The following PCDHGA9 variants were observed in gnomAD, a reference collection of about 807,000 sequenced individuals.
The protein encoded by PCDHGA9 is protocadherin gamma subfamily A, 9, also known as protocadherin gamma-A9.
PCDHGA9 carries 37 observed loss-of-function variants against 62.5 expected under a neutral mutation model. The ratio of observed to expected loss-of-function variants is 0.59; its 90% CI spans 0.46 to 0.78. The LOEUF (loss-of-function observed/expected upper bound fraction) is 0.78, where lower values mean the gene tolerates loss of function less well. Among genes scored for constraint, PCDHGA9 ranks in the 30% least tolerant of loss-of-function variants. The pLI is 0.00. For missense variants in PCDHGA9, 1,138 were observed against 1,166.2 expected, an observed-to-expected ratio of 0.98 and a Z score of 0.35; for synonymous variants, 459 against 484.6, an observed-to-expected ratio of 0.95 and a Z score of 0.69.
chr5:141,422,078 A>G lies in PCDHGA9; in HGVS notation c.2424+16702A>G, dbSNP rs1442545718. 11 of 1,612,298 alleles carry G rather than the reference A, an allele frequency of 6.8e-6. No homozygotes were observed. In the South Asian group the frequency reaches 8.8e-5, roughly 13 times the overall value. Reference sequence around the variant, plus strand: ...GGGGAAGTAATGTATTCATTTCGGAACATGGAAAGCAAGGCTTCTGAAATA... The same window carrying G: ...GGGGAAGTAATGTATTCATTTCGGAGCATGGAAAGCAAGGCTTCTGAAATA... On this transcript the variant is annotated intron_variant, in intron 1 of 3. Coordinates refer to ENST00000573521, the MANE Select transcript of PCDHGA9 (RefSeq NM_018921.3).
chr5:141,428,523 T>G, intron 1 of PCDHGA9: 1 of 278,554 alleles, frequency 3.6e-6, no homozygotes, highest in Non-Finnish European at 7.1e-6. Context: ...AAAGAAGATT[T>G]AATTTTCTCA....
intron 2 of PCDHGA9, among the ~76,000 whole-genome samples, chr5:141,495,507 C>T (rs1380258502): frequency 6.6e-6 from 1 of 152,188 alleles, no homozygotes; most frequent in African/African-American, 2.4e-5. Context: ...TCCGTCTTTG[C>T]CACTTTCTCT....
rs532830928 is a variant in PCDHGA9 at position 141,473,487 on chromosome 5, A to G, written c.2425-21320A>G. Reference sequence around the variant, plus strand: ...TTGTGCCAAGTTCAATGGAAAAAATATAAGGTGTTCTGAGAGAGCATAACA... The same window carrying G: ...TTGTGCCAAGTTCAATGGAAAAAATGTAAGGTGTTCTGAGAGAGCATAACA... On this transcript the variant is annotated intron_variant, in intron 1 of 3. Coordinates refer to ENST00000573521, the MANE Select transcript of PCDHGA9 (RefSeq NM_018921.3). 2.0e-3 allele frequency among the ~76,000 whole-genome samples: 310 copies of G among 152,242 alleles called. 5 individuals carry two copies. The South Asian group carries it at 0.052, about 25-fold the overall frequency.
At chr5:141,506,130 GAGA>G (rs560751517) in intron 3 of PCDHGA9, among the ~76,000 whole-genome samples, 2 of 152,170 alleles carry the variant, frequency 1.3e-5, no homozygotes, top group Admixed American at 1.3e-4. Context: ...CCCAGAGCAG[GAGA>G]AGAAGAATAT....
intron 1 of PCDHGA9, among the ~76,000 whole-genome samples, chr5:141,481,730 G>C (rs778885944): frequency 6.6e-5 from 10 of 151,952 alleles, no homozygotes; most frequent in Non-Finnish European, 1.3e-4. Flanking sequence ...GAGGCGGGCG[G>C]ATCACGAGGT....
At chr5:141,466,574 T>C (rs978880367) in intron 1 of PCDHGA9, among the ~76,000 whole-genome samples, 5 of 152,218 alleles carry the variant, frequency 3.3e-5, no homozygotes, top group Non-Finnish European at 5.9e-5. Flanking sequence ...CAACATTGTC[T>C]CATCCCTTCT....
In PCDHGA9 at chr5:141,409,721, G is replaced by A. The variant is rs892686024; in HGVS notation, c.2424+4345G>A. On this transcript the variant is annotated intron_variant, in intron 1 of 3. Transcript: ENST00000573521. ...CCTGGCGGTGTCGTCATACGTGTCA[G>A]TGAGCGCGCAGAGCGGGGTGGTGTT... The A allele has an allele frequency of 6.8e-6, 11 of 1,613,114 alleles. No homozygotes were observed. The highest frequency in any genetic ancestry group is 6.7e-5 in the East Asian group (3 of 44,892).
At chr5:141,473,548 C>A (rs1158305951) in intron 1 of PCDHGA9, among the ~76,000 whole-genome samples, 3 of 152,118 alleles carry the variant, frequency 2.0e-5, no homozygotes, top group South Asian at 2.1e-4. Context: ...TAATGGAAGA[C>A]CTCTATTAGG....
intron 2 of PCDHGA9, among the ~76,000 whole-genome samples, chr5:141,499,209 C>G (rs1171702973): frequency 6.6e-6 from 1 of 152,096 alleles, no homozygotes; most frequent in Admixed American, 6.5e-5. Context: ...GGCTGTAACC[C>G]AGGCCCTGCC....
intron 1 of PCDHGA9, chr5:141,408,288 T>C (rs755091342): frequency 6.2e-7 from 1 of 1,613,234 alleles, no homozygotes; most frequent in Non-Finnish European, 8.5e-7. Context: ...TACCCCACCC[T>C]GAGTGAGCCG....
intron 1 of PCDHGA9, among the ~76,000 whole-genome samples, chr5:141,467,017 C>T (rs1036255706): frequency 4.0e-5 from 6 of 151,156 alleles, no homozygotes; most frequent in African/African-American, 1.5e-4. Context: ...AATTTTTTTC[C>T]CTTTGTTTTT....
In PCDHGA9 at chr5:141,402,962, C is replaced by A. The variant is rs1482027682; in HGVS notation, c.10C>A (p.Pro4Thr). Reference sequence around the variant, plus strand: ...CCAAAGCGAGGCAGCAATGGCAGCTCCAACCAAATGCCAGCTCCGCGGAAG... The same window carrying A: ...CCAAAGCGAGGCAGCAATGGCAGCTACAACCAAATGCCAGCTCCGCGGAAG... MAA[P>T]TKCQLRGRLV... is the part of the protein sequence containing the mutation. Residue 4 changes from proline (P) to threonine (T), a missense_variant, in exon 1 of 4, where the codon CCA becomes ACA. Physicochemically the swap from Pro to Thr is conservative, Grantham distance 38. Coordinates refer to ENST00000573521, the MANE Select transcript of PCDHGA9 (RefSeq NM_018921.3). The A allele has an allele frequency of 1.2e-6, 2 of 1,604,618 alleles. No individual in the cohort carries two copies. Among genetic ancestry groups the A allele is most frequent in the African/African-American group, 2.7e-5 (2 of 74,616 alleles).
chr5:141,417,800 C>T, intron 1 of PCDHGA9: 1 of 1,489,386 alleles, frequency 6.7e-7, no homozygotes. Context: ...TCTTTTAGCG[C>T]GGTAGAGTGC....
intron 1 of PCDHGA9, among the ~76,000 whole-genome samples, chr5:141,450,561 A>G (rs1381887193): frequency 6.6e-6 from 1 of 151,856 alleles, no homozygotes; most frequent in Admixed American, 6.6e-5. Flanking sequence ...GTCTCGGCTC[A>G]CTGCAACTTC....
At chr5:141,418,405 G>T in intron 1 of PCDHGA9, 1 of 1,614,020 alleles carries the variant, frequency 6.2e-7, no homozygotes, top group African/African-American at 1.3e-5. Context: ...CATTGGTGGA[G>T]AAAGACAATC....
chr5:141,489,220 C>G lies in PCDHGA9; in HGVS notation c.2425-5587C>G. The G allele has an allele frequency of 6.6e-7, 1 of 1,508,698 alleles. No individual in the cohort carries two copies. Among genetic ancestry groups the G allele is most frequent in the South Asian group, 1.3e-5 (1 of 75,604 alleles). The allele number at this position is 1,508,698 out of a possible 1,614,324, so 93.5% of individuals were successfully genotyped here. A position where few individuals can be genotyped will look rare whatever the true frequency, so the allele number is the denominator to read the frequency against. ...AGACAGGACAGCACAGACTTACTCT[C>G]CACAAAGGGACTTCTGGGTCATGGG... On this transcript the variant is annotated intron_variant, in intron 1 of 3. Transcript: ENST00000573521. The surrounding 1 kb of genome is among the most constrained non-coding windows in gnomAD (Gnocchi z 4.5).
At chr5:141,500,152 A>C (rs1301287171) in intron 2 of PCDHGA9, among the ~76,000 whole-genome samples, 1 of 151,610 alleles carries the variant, frequency 6.6e-6, no homozygotes, top group African/African-American at 2.4e-5. Flanking sequence ...TTCTTTGTGT[A>C]ATCAAAGAAC....
In PCDHGA9 at chr5:141,474,057, G is replaced by A. The variant is rs546654716; in HGVS notation, c.2425-20750G>A. Among the ~76,000 whole-genome samples, 3 of 152,192 alleles carry A rather than the reference G, an allele frequency of 2.0e-5. No homozygotes were observed. In the East Asian group the frequency reaches 5.8e-4, roughly 29 times the overall value. On this transcript the variant is annotated intron_variant, in intron 1 of 3. Transcript: ENST00000573521. ...TGTACTCCAGCCTGGATGACAGAGC[G>A]AGATCCTGCCTCAGAAACAAAAACC... is the stretch of plus-strand genomic sequence containing the variant.
intron 1 of PCDHGA9, among the ~76,000 whole-genome samples, chr5:141,462,639 C>T (rs2099043867): frequency 7.2e-6 from 1 of 138,292 alleles, no homozygotes. Flanking sequence ...TTGACTCTTT[C>T]ATTTCCATCC....
Sources: allele counts gnomAD v4.1 joint callset (sites outside exome capture counted in the v4.1 genomes callset), GRCh38; gene constraint gnomAD v4.1.1; non-coding constraint Gnocchi (gnomAD v3.1); transcripts MANE v1.5; gene names NCBI Gene and HGNC (gene_info 2026-07-23, HGNC 2026-07-21).